Variants in MARCHF1 observed in about 807,000 individuals in gnomAD.
MARCHF1 encodes the protein E3 ubiquitin-protein ligase MARCHF1.
A neutral mutation model predicts 54.2 loss-of-function variants in MARCHF1; 40 were observed. The ratio of observed to expected loss-of-function variants is 0.74; its 90% CI spans 0.57 to 0.96. MARCHF1 has a LOEUF of 0.96. Ranked by LOEUF, MARCHF1 falls within the 40% of genes least tolerant of loss-of-function variation. The pLI, the probability that MARCHF1 is intolerant of heterozygous loss-of-function variation, is 0.00. For synonymous variants in MARCHF1, 236 were observed against 236.3 expected (o/e 1.00, Z 0.01); for missense variants, 586 against 656.5 (o/e 0.89, Z 1.17).
chr4:164,009,364 A>G (rs534531546), intron 2 of MARCHF1, among the ~76,000 whole-genome samples: 1 of 152,312 alleles, frequency 6.6e-6, no homozygotes, highest in South Asian at 2.1e-4. Flanking sequence ...AATTTTACCA[A>G]GCATTTAAAA....
At chr4:163,758,986 G>A (rs1389703) in intron 4 of MARCHF1, among the ~76,000 whole-genome samples, 1 of 152,026 alleles carries the variant, frequency 6.6e-6, no homozygotes, top group Non-Finnish European at 1.5e-5. Flanking sequence ...TAGAGTTCTA[G>A]ATACTAGAGT....
At position 164,166,680 on chromosome 4, in the gene MARCHF1, T is replaced by C. The variant is rs144590723; in HGVS notation, c.-322-55018A>G. Among the ~76,000 whole-genome samples, 351 of 151,866 alleles carry C rather than the reference T, an allele frequency of 2.3e-3. 3 individuals are homozygous for C. The highest frequency in any genetic ancestry group is 8.2e-3 in the African/African-American group (341 of 41,516). On this transcript the variant is annotated intron_variant, in intron 1 of 9. Transcript: ENST00000514618. ...AGACAAGAAAAAGAAATAAAAAGCA[T>C]TCAAATAAGAATGGAAGAAGTAAAA...
intron 1 of MARCHF1, among the ~76,000 whole-genome samples, chr4:164,145,305 C>T (rs13115672): frequency 0.83 from 125,510 of 150,942 alleles, 52,236 homozygotes; most frequent in Non-Finnish European, 0.88. Context: ...AGAGGGAATC[C>T]TCCCTAACTC....
chr4:164,000,639 A>G (rs1177265510), intron 2 of MARCHF1, among the ~76,000 whole-genome samples: 1 of 151,704 alleles, frequency 6.6e-6, no homozygotes, highest in Non-Finnish European at 1.5e-5. Context: ...GTCACTGTGG[A>G]GGTTACATTA....
At chr4:164,328,008 C>T (rs1735326951) in intron 1 of MARCHF1, among the ~76,000 whole-genome samples, 1 of 152,164 alleles carries the variant, frequency 6.6e-6, no homozygotes, top group South Asian at 2.1e-4. Flanking sequence ...GCTGGAGATA[C>T]AAAACCGTGT....
intron 1 of MARCHF1, among the ~76,000 whole-genome samples, chr4:164,142,195 C>T (rs942216897): frequency 2.0e-5 from 3 of 152,208 alleles, no homozygotes; most frequent in Non-Finnish European, 2.9e-5. Context: ...TCGCTGATTG[C>T]TAGCACAGCA....
At chr4:164,296,737 A>T (rs1175754742) in intron 1 of MARCHF1, among the ~76,000 whole-genome samples, 3 of 152,146 alleles carry the variant, frequency 2.0e-5, no homozygotes, top group African/African-American at 7.2e-5. Flanking sequence ...TCCCACATCT[A>T]CCTTATATAT....
intron 3 of MARCHF1, among the ~76,000 whole-genome samples, chr4:163,967,454 A>G (rs1382415801): frequency 6.6e-6 from 1 of 152,202 alleles, no homozygotes; most frequent in Non-Finnish European, 1.5e-5. Flanking sequence ...GGCAATTTGC[A>G]TAACTAGCCC....
At chr4:164,226,857 C>T (rs1408517910) in intron 1 of MARCHF1, among the ~76,000 whole-genome samples, 1 of 151,986 alleles carries the variant, frequency 6.6e-6, no homozygotes, top group East Asian at 1.9e-4. Flanking sequence ...TGTAACCAAA[C>T]AGCCAAGGAG....
intron 4 of MARCHF1, among the ~76,000 whole-genome samples, chr4:163,741,634 C>T (rs934221346): frequency 1.1e-4 from 17 of 151,914 alleles, no homozygotes; most frequent in Admixed American, 5.9e-4. Context: ...TAAGCAACTG[C>T]GTGTTTGCCC....
chr4:164,276,291 T>A (rs1182753103), intron 1 of MARCHF1, among the ~76,000 whole-genome samples: 1 of 152,142 alleles, frequency 6.6e-6, no homozygotes, highest in Non-Finnish European at 1.5e-5. Flanking sequence ...TTTCTTGAAT[T>A]CAGTCAAACA....
chr4:164,141,519 G>C (rs938368994), intron 1 of MARCHF1, among the ~76,000 whole-genome samples: 1 of 152,068 alleles, frequency 6.6e-6, no homozygotes, highest in Non-Finnish European at 1.5e-5. Context: ...GTCTATCTTT[G>C]GTCATATTTT....
intron 1 of MARCHF1, among the ~76,000 whole-genome samples, chr4:164,225,654 G>A (rs1732231351): frequency 6.6e-6 from 1 of 151,802 alleles, no homozygotes; most frequent in African/African-American, 2.4e-5. Context: ...TACTAGAATG[G>A]CTGAAAATTT....
chr4:163,886,475 G>A (rs936560510), intron 3 of MARCHF1, among the ~76,000 whole-genome samples: 6 of 151,818 alleles, frequency 4.0e-5, no homozygotes, highest in Non-Finnish European at 7.4e-5. Context: ...CTAGCATGAG[G>A]CAGCTTGTAA....
chr4:164,218,884 G>A (rs987787874), intron 1 of MARCHF1, among the ~76,000 whole-genome samples: 4 of 150,364 alleles, frequency 2.7e-5, no homozygotes, highest in East Asian at 3.9e-4. Context: ...AGTAGATAAC[G>A]AGCCTTTGGG....
rs115215442 is a variant in MARCHF1, at chr4:163,569,605, C to T, written c.1191+16144G>A. On this transcript the variant is annotated intron_variant, in intron 8 of 9. Transcript: ENST00000514618. ...TACATACTCTTATTATCCCCGTTTA[C>T]GCAGGAGGAAATGGAGGAATAGCTT... Among the ~76,000 whole-genome samples the T allele has an allele frequency of 4.5e-3, 691 of 152,068 alleles. 2 individuals are homozygous for T. Among genetic ancestry groups the T allele is most frequent in the Middle Eastern group, 0.02 (6 of 294 alleles).
At position 164,107,026 on chromosome 4, in the gene MARCHF1, A is replaced by G. The variant is rs111673554; in HGVS notation, c.-248+4562T>C. 7.0e-3 allele frequency among the ~76,000 whole-genome samples: 1,065 copies of G among 152,328 alleles called. 12 individuals are homozygous for G. The highest frequency in any genetic ancestry group is 0.014 in the East Asian group (74 of 5,180). ...TATTATGTTGTTTAAATGCATCAGC[A>G]TCTTCATAAAACCTAAAGGAGAAAA... On this transcript the variant is annotated intron_variant, in intron 2 of 9. Coordinates refer to ENST00000514618, the MANE Select transcript of MARCHF1 (RefSeq NM_001394959.1).
At chr4:164,178,526 T>C (rs1471060517) in intron 1 of MARCHF1, among the ~76,000 whole-genome samples, 2 of 152,196 alleles carry the variant, frequency 1.3e-5, no homozygotes, top group Non-Finnish European at 2.9e-5. Flanking sequence ...CCTTAACAAT[T>C]TTAATTAATG....
At chr4:163,579,356 TA>T (rs772271780) in intron 8 of MARCHF1, among the ~76,000 whole-genome samples, 1 of 152,238 alleles carries the variant, frequency 6.6e-6, no homozygotes, top group African/African-American at 2.4e-5. Context: ...AAAAAATTAG[TA>T]AAAAAGATTA....
Sources: allele counts gnomAD v4.1 joint callset (sites outside exome capture counted in the v4.1 genomes callset), GRCh38; gene constraint gnomAD v4.1.1; transcripts MANE v1.5; gene names NCBI Gene and HGNC (gene_info 2026-07-23, HGNC 2026-07-21).